The following KIF16B variants were observed in gnomAD, a reference collection of about 807,000 sequenced individuals.
KIF16B encodes the protein kinesin family member 16B.
A neutral mutation model predicts 156.3 loss-of-function variants in KIF16B; 98 were observed. The observed-to-expected ratio is 0.63, with a 90% CI of 0.53 to 0.74. The LOEUF (loss-of-function observed/expected upper bound fraction) is 0.74. Among genes scored for constraint, KIF16B ranks in the 30% least tolerant of loss-of-function variants. The pLI is 0.00. For synonymous variants in KIF16B, 564 were observed against 583.7 expected (o/e 0.97, Z 0.49); for missense variants, 1,421 against 1,606.5 (o/e 0.88, Z 1.97).
At chr20:16,453,013 A>G (rs2067124529) in intron 12 of KIF16B, among the ~76,000 whole-genome samples, 1 of 152,112 alleles carries the variant, frequency 6.6e-6, no homozygotes, top group Admixed American at 6.5e-5. Context: ...GCCATACTTT[A>G]CATATTTCAC....
intron 15 of KIF16B, among the ~76,000 whole-genome samples, chr20:16,410,013 A>T (rs186746577): frequency 1.5e-4 from 17 of 111,450 alleles, no homozygotes; most frequent in Non-Finnish European, 2.1e-4. Flanking sequence ...ATATATATGT[A>T]GGTACATATA....
intron 1 of KIF16B, among the ~76,000 whole-genome samples, chr20:16,532,000 G>A (rs568293936): frequency 1.9e-4 from 29 of 150,946 alleles, no homozygotes; most frequent in African/African-American, 3.2e-4. Flanking sequence ...TCCAGGAGGC[G>A]GAGGTTACAG....
At chr20:16,383,877 A>G (rs1292265612) in intron 17 of KIF16B, among the ~76,000 whole-genome samples, 1 of 152,208 alleles carries the variant, frequency 6.6e-6, no homozygotes, top group Admixed American at 6.5e-5. Flanking sequence ...TGCTACACTG[A>G]GCACTGGGCA....
chr20:16,396,759 C>T (rs1600286026), intron 17 of KIF16B, among the ~76,000 whole-genome samples: 1 of 150,526 alleles, frequency 6.6e-6, no homozygotes, highest in South Asian at 2.1e-4. Context: ...TTGTCGGTGA[C>T]TTCAGACCAA....
At chr20:16,538,699 T>A (rs1040445850) in intron 1 of KIF16B, among the ~76,000 whole-genome samples, 3 of 152,186 alleles carry the variant, frequency 2.0e-5, no homozygotes, top group African/African-American at 4.8e-5. Context: ...CATTTATTTT[T>A]AAAAAAATCC....
chr20:16,378,485 T>C (rs968591570), intron 19 of KIF16B, among the ~76,000 whole-genome samples: 2 of 152,064 alleles, frequency 1.3e-5, no homozygotes, highest in African/African-American at 4.8e-5. Context: ...GTGGAAACTT[T>C]CTAGTCTTGC....
chr20:16,402,516 A>G (rs1043239740), intron 17 of KIF16B, among the ~76,000 whole-genome samples: 2 of 152,220 alleles, frequency 1.3e-5, no homozygotes, highest in Admixed American at 6.5e-5. Context: ...AAGAAGGGAC[A>G]TTGATTTTTG....
rs1178712876 is a variant in KIF16B at position 16,497,637 on chromosome 20, T to C, written c.1218A>G (p.Glu406=). The C allele has an allele frequency of 2.5e-6, 4 of 1,611,784 alleles. No homozygotes were observed. Among genetic ancestry groups the C allele is most frequent in the South Asian group, 1.1e-5 (1 of 91,006 alleles). ...CTCTTGCTTCATTCTGCTGAAGTTT[T>C]TCCTCCATACTTAAAGCTGTGGGGG... The part of the protein sequence containing the change: ...LDSPTALSME[E]KLQQNEARVQ... The change falls in exon 11 of 26, where the codon GAA becomes GAG. Residue 406 remains glutamate, a synonymous_variant. Transcript: ENST00000354981.
intron 24 of KIF16B, among the ~76,000 whole-genome samples, chr20:16,334,001 C>A (rs2063993680): frequency 6.6e-6 from 1 of 152,208 alleles, no homozygotes; most frequent in African/African-American, 2.4e-5. Flanking sequence ...TGTTTACTGT[C>A]TGCCCCATAT....
intron 24 of KIF16B, among the ~76,000 whole-genome samples, chr20:16,326,829 AC>A (rs1367938144): frequency 6.6e-6 from 1 of 151,912 alleles, no homozygotes; most frequent in East Asian, 1.9e-4. Flanking sequence ...CTGGGTATCG[AC>A]CCAGAGGAAA....
chr20:16,340,878 T>C (rs937158953), intron 23 of KIF16B, among the ~76,000 whole-genome samples: 19 of 152,144 alleles, frequency 1.2e-4, no homozygotes, highest in Non-Finnish European at 2.5e-4. Flanking sequence ...CATGATGATA[T>C]AGCTAAGTGA....
At chr20:16,560,977 A>G (rs896382810) in intron 1 of KIF16B, among the ~76,000 whole-genome samples, 4 of 152,016 alleles carry the variant, frequency 2.6e-5, no homozygotes, top group African/African-American at 9.7e-5. Context: ...GTGAGTAACA[A>G]TCATCTTTTT....
In KIF16B at chr20:16,379,782, C is replaced by T. The variant is rs148869074; in HGVS notation, c.2220G>A (p.Gln740=). The change falls in exon 19 of 26, where the codon CAG becomes CAA. Residue 740 remains glutamine (Q), a synonymous_variant. Transcript: ENST00000354981. ...TTTTTTCCAGTTCAAGCTTGGCATA[C>T]TGTTCATCTTTTTCCTTTTGGAGCT... ...LDQLQKEKDE[Q]YAKLELEKKR... The T allele has an allele frequency of 8.5e-5, 137 of 1,614,086 alleles. No homozygotes were observed. Among genetic ancestry groups the T allele is most frequent in the Non-Finnish European group, 1.1e-4 (128 of 1,180,046 alleles).
intron 24 of KIF16B, among the ~76,000 whole-genome samples, chr20:16,330,599 C>T (rs571635945): frequency 2.8e-4 from 42 of 152,216 alleles, no homozygotes; most frequent in African/African-American, 1.0e-3. Flanking sequence ...GGGAAACTAC[C>T]CAAATATTCA....
At chr20:16,506,689 T>G (rs914648195) in intron 7 of KIF16B, among the ~76,000 whole-genome samples, 1 of 151,268 alleles carries the variant, frequency 6.6e-6, no homozygotes, top group African/African-American at 2.4e-5. Flanking sequence ...GCTTCTGAAT[T>G]CTACCAAAAT....
intron 12 of KIF16B, among the ~76,000 whole-genome samples, chr20:16,486,107 G>A (rs1489258021): frequency 2.3e-4 from 35 of 152,196 alleles, no homozygotes; most frequent in Admixed American, 2.3e-3. Context: ...GAGACTAGAT[G>A]AGACTATGGG....
chr20:16,413,740 C>T (rs1261326143), intron 15 of KIF16B, among the ~76,000 whole-genome samples: 1 of 150,578 alleles, frequency 6.6e-6, no homozygotes, highest in Non-Finnish European at 1.5e-5. Flanking sequence ...CCCCGCCCTC[C>T]ACCAACCAAC....
intron 17 of KIF16B, among the ~76,000 whole-genome samples, chr20:16,386,488 A>T (rs886576226): frequency 3.9e-5 from 6 of 151,902 alleles, no homozygotes; most frequent in African/African-American, 1.2e-4. Context: ...GAGTGAGAGG[A>T]ACCTGGAGAT....
chr20:16,549,933 A>G (rs1287867437), intron 1 of KIF16B, among the ~76,000 whole-genome samples: 1 of 55,362 alleles, frequency 1.8e-5, no homozygotes, highest in African/African-American at 7.8e-5. Flanking sequence ...GGACATAGGC[A>G]TGGGCAAGGA....
Sources: gnomAD v4.1 joint callset for allele counts (sites outside exome capture counted in the v4.1 genomes callset) on GRCh38, gnomAD v4.1.1 for gene constraint, MANE v1.5 for transcripts, NCBI Gene and HGNC (gene_info 2026-07-23, HGNC 2026-07-21) for gene names.